The following ANKRD55 variants were observed in gnomAD, a reference collection of about 807,000 sequenced individuals.
ANKRD55 encodes the protein ankyrin repeat domain-containing protein 55.
ANKRD55 carries 41 observed loss-of-function variants against 60.6 expected under a neutral mutation model. The observed-to-expected ratio is 0.68, with a 90% CI of 0.53 to 0.88. The LOEUF (loss-of-function observed/expected upper bound fraction) is 0.88. Among genes scored for constraint, ANKRD55 ranks in the 40% least tolerant of loss-of-function variants. The probability of loss-of-function intolerance (pLI) is 0.00; values close to 1 mark genes in which losing one functional copy is unlikely to be tolerated. For synonymous variants in ANKRD55, 264 were observed against 290.3 expected (o/e 0.91, Z 0.92); for missense variants, 732 against 767.6 (o/e 0.95, Z 0.55).
chr5:56,189,622 A>G (rs1410857234), intron 2 of ANKRD55, among the ~76,000 whole-genome samples: 4 of 152,204 alleles, frequency 2.6e-5, no homozygotes, highest in African/African-American at 7.2e-5. Context: ...TAATGTCCTC[A>G]AGGTTCATCC....
chr5:56,173,706 G>A (rs1356024759), intron 4 of ANKRD55, among the ~76,000 whole-genome samples: 4 of 150,624 alleles, frequency 2.7e-5, no homozygotes, highest in Admixed American at 6.6e-5. Flanking sequence ...CACCACGCCC[G>A]ACTAATTTTG....
At position 56,106,754 on chromosome 5, in the gene ANKRD55, C is replaced by G. The variant is rs559562131; in HGVS notation, c.1631-4168G>C. Reference sequence around the variant, plus strand: ...GCCTTAGTGGCTCATATCTATAATGCCAGCATTTTGGGAGGCCAAGATGGG... The same window carrying G: ...GCCTTAGTGGCTCATATCTATAATGGCAGCATTTTGGGAGGCCAAGATGGG... On this transcript the variant is annotated intron_variant, in intron 10 of 11. Coordinates refer to ENST00000341048, the MANE Select transcript of ANKRD55 (RefSeq NM_024669.3). 9.9e-5 allele frequency among the ~76,000 whole-genome samples: 15 copies of G among 152,064 alleles called. 1 individual carries two copies. The highest frequency in any genetic ancestry group is 7.2e-4 in the Admixed American group (11 of 15,272).
chr5:56,166,158 T>TTCTTTCCTTCCTTCCTTCC (rs58740295), intron 5 of ANKRD55, among the ~76,000 whole-genome samples: 10 of 72,406 alleles, frequency 1.4e-4, no homozygotes, highest in Non-Finnish European at 2.1e-4. Flanking sequence ...TTCTTTCTTC[T>TTCTTTCCTTCCTTCCTTCC]TTCCTTCCTT....
At position 56,212,090 on chromosome 5, in the gene ANKRD55, G is replaced by A. The variant is rs72749967; in HGVS notation, c.58+20766C>T. On this transcript the variant is annotated intron_variant, in intron 2 of 11. Coordinates refer to ENST00000341048, the MANE Select transcript of ANKRD55 (RefSeq NM_024669.3). ...CACACACACACACACACACACACAC[G>A]CGTACCTATAGACCAATTCGGTTTG... 8.9e-3 allele frequency among the ~76,000 whole-genome samples: 584 copies of A among 65,380 alleles called. 3 individuals carry two copies. Among genetic ancestry groups the A allele is most frequent in the African/African-American group, 0.049 (386 of 7,860 alleles). The allele number at this position is 65,380 out of a possible 152,430, so 42.9% of individuals were successfully genotyped here.
rs1298244290 is a variant in ANKRD55 at position 56,111,164 on chromosome 5, C to A, written c.1584G>T (p.Glu528Asp). The A allele has an allele frequency of 1.2e-6, 2 of 1,614,058 alleles. No individual in the cohort carries two copies. Among genetic ancestry groups the A allele is most frequent in the African/African-American group, 2.7e-5 (2 of 74,912 alleles). Residue 528 changes from glutamate to aspartate, a missense_variant, in exon 10 of 12, where the codon GAG becomes GAT. This residue lies in a region of ANKRD55 where 597 missense variants were observed against 607.5 expected (regional missense o/e 0.98). Transcript: ENST00000341048. ...GGCGAAGGTGTGGTGGCACGGAGAC[C>A]TCTTGGTGACCAGGCCGGACACTGA... is the stretch of plus-strand genomic sequence containing the variant. ...RLLSVRPGHQ[E>D]VSVPPHLRHL...
At chr5:56,203,768 C>T (rs1357180218) in intron 2 of ANKRD55, among the ~76,000 whole-genome samples, 1 of 152,188 alleles carries the variant, frequency 6.6e-6, no homozygotes, top group East Asian at 1.9e-4. Context: ...CAAGTCTTTG[C>T]TATTGTGAAT....
chr5:56,183,062 C>T (rs927200613), intron 3 of ANKRD55, among the ~76,000 whole-genome samples: 1 of 152,222 alleles, frequency 6.6e-6, no homozygotes, highest in Non-Finnish European at 1.5e-5. Context: ...CATGTCATTC[C>T]TTGAGTCAGA....
intron 2 of ANKRD55, among the ~76,000 whole-genome samples, chr5:56,185,182 C>T (rs573508989): frequency 6.6e-6 from 1 of 151,674 alleles, no homozygotes; most frequent in South Asian, 2.1e-4. Flanking sequence ...GAGATTGCAC[C>T]ACTGCACTCT....
At chr5:56,222,124 C>T (rs962771848) in intron 2 of ANKRD55, among the ~76,000 whole-genome samples, 1 of 152,186 alleles carries the variant, frequency 6.6e-6, no homozygotes, top group African/African-American at 2.4e-5. Flanking sequence ...CCTCATATAG[C>T]CAGGTGCCTC....
chr5:56,227,823 T>G (rs540678584), intron 2 of ANKRD55, among the ~76,000 whole-genome samples: 2 of 152,274 alleles, frequency 1.3e-5, no homozygotes, highest in East Asian at 3.9e-4. Context: ...GAGGATTATA[T>G]GAGCTAGTCT....
intron 8 of ANKRD55, 63 bp from the exon 9 acceptor site, chr5:56,116,845 C>T: frequency 7.0e-7 from 1 of 1,432,880 alleles, no homozygotes; most frequent in African/African-American, 1.5e-5. Flanking sequence ...GGCTGCTTAG[C>T]CAGCAACAGC....
intron 2 of ANKRD55, among the ~76,000 whole-genome samples, chr5:56,211,339 G>C (rs759106648): frequency 1.3e-5 from 2 of 152,178 alleles, no homozygotes; most frequent in Non-Finnish European, 2.9e-5. Flanking sequence ...TTAACATAGA[G>C]CTCACTGTAT....
chr5:56,128,473 C>T (rs1757332835), intron 7 of ANKRD55, among the ~76,000 whole-genome samples: 1 of 152,210 alleles, frequency 6.6e-6, no homozygotes, highest in African/African-American at 2.4e-5. Context: ...GTACTGTTGA[C>T]AGCCTCTCTG....
In ANKRD55 at chr5:56,209,623, C is replaced by A. The variant is rs188494704; in HGVS notation, c.58+23233G>T. On this transcript the variant is annotated intron_variant, in intron 2 of 11. Coordinates refer to ENST00000341048, the MANE Select transcript of ANKRD55 (RefSeq NM_024669.3). ...CTGGGACTACAGGCGCCCGCCACCGCGCCTGGCTAATTTTTGTATTTTTAG... is the reference window on the plus strand; with the variant it reads ...CTGGGACTACAGGCGCCCGCCACCGAGCCTGGCTAATTTTTGTATTTTTAG... 2.6e-3 allele frequency among the ~76,000 whole-genome samples: 389 copies of A among 152,212 alleles called. 3 individuals carry two copies. Among genetic ancestry groups the A allele is most frequent in the African/African-American group, 8.9e-3 (369 of 41,540 alleles).
intron 3 of ANKRD55, among the ~76,000 whole-genome samples, chr5:56,178,591 T>C (rs1238510624): frequency 6.7e-6 from 1 of 149,218 alleles, no homozygotes; most frequent in Non-Finnish European, 1.5e-5. Flanking sequence ...ACAAAAGCAA[T>C]AGGAAAAGTA....
intron 2 of ANKRD55, among the ~76,000 whole-genome samples, chr5:56,231,527 C>T (rs1760251363): frequency 6.6e-6 from 1 of 152,104 alleles, no homozygotes; most frequent in African/African-American, 2.4e-5. Context: ...TTCACTTTTA[C>T]TGACTGCCAT....
Position 56,100,057 on chromosome 5 carries a change from T to C in ANKRD55, c.*126A>G. 3.1e-6 allele frequency: 4 copies of C among 1,297,114 alleles called. No homozygotes were observed. The highest frequency in any genetic ancestry group is 1.9e-5 in the Admixed American group (1 of 51,894). The allele number at this position is 1,297,114 out of a possible 1,614,324, so 80.4% of individuals were successfully genotyped here. A position where few individuals can be genotyped will look rare whatever the true frequency, so the allele number is the denominator to read the frequency against. ...ATTTGGAATAAAGAATTTCGAGTTATAAAACTGATGGCTTATAGAATGCAG... is the reference window on the plus strand; with the variant it reads ...ATTTGGAATAAAGAATTTCGAGTTACAAAACTGATGGCTTATAGAATGCAG... On this transcript the variant is annotated 3_prime_UTR_variant, in exon 12 of 12. Coordinates refer to ENST00000341048, the MANE Select transcript of ANKRD55 (RefSeq NM_024669.3).
Position 56,183,541 on chromosome 5 carries a change from G to C in ANKRD55, c.152C>G (p.Pro51Arg), listed in dbSNP as rs750298883. 1 of 1,614,136 alleles carries C rather than the reference G, an allele frequency of 6.2e-7. No homozygotes were observed. Among genetic ancestry groups the C allele is most frequent in the Non-Finnish European group, 8.5e-7 (1 of 1,180,016 alleles). Residue 51 changes from proline (P) to arginine (R), a missense_variant, in exon 3 of 12, where the codon CCT (proline) becomes CGT (arginine). Physicochemically the swap from Pro to Arg is moderately radical, Grantham distance 103. Coordinates refer to ENST00000341048, the MANE Select transcript of ANKRD55 (RefSeq NM_024669.3). Reference protein sequence around the residue: ...NALTAVIREDPSILECCDSEG... With the variant: ...NALTAVIREDRSILECCDSEG... ...ACTGTCACAGCATTCTAGGATAGAA[G>C]GGTCTTCCCGAATCACTGCAGTCAG...
At chr5:56,156,076 G>A (rs962565627) in intron 6 of ANKRD55, among the ~76,000 whole-genome samples, 2 of 152,128 alleles carry the variant, frequency 1.3e-5, no homozygotes, top group African/African-American at 4.8e-5. Flanking sequence ...GCACACTCTG[G>A]TCACTCTGCC....
Sources: gnomAD v4.1 joint callset for allele counts (sites outside exome capture counted in the v4.1 genomes callset) on GRCh38, gnomAD v4.1.1 for gene constraint, gnomAD v4.1.1 regional missense constraint, MANE v1.5 for transcripts, NCBI Gene and HGNC (gene_info 2026-07-23, HGNC 2026-07-21) for gene names.